The following ARHGEF3 variants were observed in gnomAD, a reference collection of about 807,000 sequenced individuals.
The protein encoded by ARHGEF3 is Rho guanine nucleotide exchange factor 3.
ARHGEF3 carries 28 observed loss-of-function variants against 63.2 expected under a neutral mutation model. The ratio of observed to expected loss-of-function variants is 0.44; its 90% CI spans 0.33 to 0.61. ARHGEF3 has a LOEUF of 0.61. Among genes scored for constraint, ARHGEF3 ranks in the 20% least tolerant of loss-of-function variants. ARHGEF3 has a pLI of 0.03. For synonymous variants in ARHGEF3, 266 were observed against 254.2 expected, an observed-to-expected ratio of 1.05 and a Z score of -0.44; for missense variants, 533 against 659.3, an observed-to-expected ratio of 0.81 and a Z score of 2.10.
At chr3:56,993,836 G>C (rs1370552361) in intron 2 of ARHGEF3, among the ~76,000 whole-genome samples, 2 of 151,132 alleles carry the variant, frequency 1.3e-5, no homozygotes, top group Non-Finnish European at 3.0e-5. Context: ...GGGAGGCCAA[G>C]GTAGGTGGAT....
At chr3:56,936,983 T>G (rs928475062) in intron 3 of ARHGEF3, among the ~76,000 whole-genome samples, 3 of 152,208 alleles carry the variant, frequency 2.0e-5, no homozygotes, top group Non-Finnish European at 2.9e-5. Context: ...CCTCCCAAAG[T>G]GCTGGGATTA....
chr3:56,967,162 C>T (rs1700535890), intron 2 of ARHGEF3, among the ~76,000 whole-genome samples: 1 of 137,490 alleles, frequency 7.3e-6, no homozygotes. Flanking sequence ...CGCGCCCAGC[C>T]TTTTTTTTTT....
chr3:56,778,054 C>A (rs2036367982), intron 1 of ARHGEF3, among the ~76,000 whole-genome samples: 1 of 152,126 alleles, frequency 6.6e-6, no homozygotes, highest in African/African-American at 2.4e-5. Flanking sequence ...ATGTTTAATC[C>A]ACCCAGGAAC....
At chr3:57,008,675 T>C (rs1702565216) in intron 2 of ARHGEF3, among the ~76,000 whole-genome samples, 1 of 152,140 alleles carries the variant, frequency 6.6e-6, no homozygotes. Context: ...TTTCTCCATG[T>C]TGGCCAGGCC....
At chr3:56,948,038 T>C (rs1292175312) in intron 3 of ARHGEF3, among the ~76,000 whole-genome samples, 2 of 152,108 alleles carry the variant, frequency 1.3e-5, no homozygotes, top group African/African-American at 4.8e-5. Context: ...ACTGGGTACA[T>C]AACGAAATGA....
intron 2 of ARHGEF3, among the ~76,000 whole-genome samples, chr3:56,981,351 G>A (rs1038111198): frequency 2.6e-5 from 4 of 152,146 alleles, no homozygotes; most frequent in African/African-American, 7.2e-5. Flanking sequence ...TGACATCCAT[G>A]ACAGTGAAGC....
intron 2 of ARHGEF3, among the ~76,000 whole-genome samples, chr3:57,002,498 T>TTATATATATA (rs1553802543): frequency 7.4e-5 from 1 of 13,484 alleles, no homozygotes; most frequent in Non-Finnish European, 1.5e-4. Context: ...TATATATATG[T>TTATATATATA]TATATATATA....
chr3:56,968,258 T>TA (rs1491487154), intron 2 of ARHGEF3, among the ~76,000 whole-genome samples: 2 of 36,900 alleles, frequency 5.4e-5, no homozygotes, highest in Non-Finnish European at 1.1e-4. Context: ...ATATATAATA[T>TA]TTAAATATAT....
chr3:56,774,883 G>T, intron 1 of ARHGEF3: 1 of 885,886 alleles, frequency 1.1e-6, no homozygotes, highest in Non-Finnish European at 1.6e-6. Flanking sequence ...CAGAGACTCT[G>T]TGTCAAAAAA....
chr3:56,764,601 G>A (rs547502309), intron 2 of ARHGEF3, among the ~76,000 whole-genome samples: 172 of 152,142 alleles, frequency 1.1e-3, no homozygotes, highest in African/African-American at 3.9e-3. Context: ...CCCTATAAGT[G>A]GTGATGAATC....
chr3:56,892,759 G>A (rs913004605), intron 3 of ARHGEF3, among the ~76,000 whole-genome samples: 8 of 152,136 alleles, frequency 5.3e-5, no homozygotes, highest in Non-Finnish European at 1.2e-4. Context: ...TCAGTTTTTC[G>A]TTCACTTGGC....
intron 2 of ARHGEF3, among the ~76,000 whole-genome samples, chr3:56,965,645 CT>C (rs759458048): frequency 0.011 from 1,459 of 133,342 alleles, 11 homozygotes; most frequent in African/African-American, 0.036. Flanking sequence ...AAACTACATT[CT>C]TTTTTTTTTT....
intron 1 of ARHGEF3, among the ~76,000 whole-genome samples, chr3:56,793,742 C>T (rs1399283902): frequency 6.6e-6 from 1 of 152,106 alleles, no homozygotes; most frequent in African/African-American, 2.4e-5. Context: ...GAACTACCTT[C>T]TAGTATCTTT....
chr3:56,775,988 T>C (rs988878496), intron 1 of ARHGEF3, among the ~76,000 whole-genome samples: 3 of 152,114 alleles, frequency 2.0e-5, no homozygotes, highest in Admixed American at 2.0e-4. Flanking sequence ...GTCTTTCTCT[T>C]TCTCTCTCTC....
At chr3:57,068,461 G>A (rs1682883201) in intron 1 of ARHGEF3, among the ~76,000 whole-genome samples, 2 of 152,198 alleles carry the variant, frequency 1.3e-5, no homozygotes, top group East Asian at 1.9e-4. Flanking sequence ...CAATTCTCTC[G>A]CCTCAAAAGG....
chr3:56,751,146 A>G lies in ARHGEF3; in HGVS notation c.536-14T>C. The G allele has an allele frequency of 1.9e-6, 3 of 1,613,522 alleles. No homozygotes were observed. The highest frequency in any genetic ancestry group is 2.5e-6 in the Non-Finnish European group (3 of 1,179,538). On this transcript the variant is annotated splice_polypyrimidine_tract_variant and intron_variant, in intron 5 of 9. Transcript: ENST00000296315. ...GACTAAGGAGCTCTGGCAAAAAACA[A>G]ACAGATGCTTATTTGTTAGGCATTC...
At chr3:56,981,551 T>C (rs62251123) in intron 2 of ARHGEF3, among the ~76,000 whole-genome samples, 1 of 152,178 alleles carries the variant, frequency 6.6e-6, no homozygotes, top group Non-Finnish European at 1.5e-5. Context: ...AAAAAAAACT[T>C]CTACCCAGGA....
chr3:57,055,202 C>T (rs1704867891), intron 1 of ARHGEF3, among the ~76,000 whole-genome samples: 1 of 142,736 alleles, frequency 7.0e-6, no homozygotes, highest in African/African-American at 2.8e-5. Context: ...AACTCTGTTG[C>T]CCAGACTGGA....
At position 56,859,806 on chromosome 3, in the gene ARHGEF3, G is replaced by A. The variant is rs375408953; in HGVS notation, c.192+22486C>T. On this transcript the variant is annotated intron_variant, in intron 4 of 12. Transcript: ENST00000338458. ...GCCCACCTCGGTCTCCCAAAGTGCT[G>A]GGGTTACAGGCATGAGCCACTACAC... Among the ~76,000 whole-genome samples, 740 of 151,906 alleles carry A rather than the reference G, an allele frequency of 4.9e-3. 8 individuals carry two copies. Among genetic ancestry groups the A allele is most frequent in the African/African-American group, 0.016 (662 of 41,412 alleles).
Sources: gnomAD v4.1 joint callset for allele counts (sites outside exome capture counted in the v4.1 genomes callset) on GRCh38, gnomAD v4.1.1 for gene constraint, MANE v1.5 for transcripts, NCBI Gene and HGNC (gene_info 2026-07-23, HGNC 2026-07-21) for gene names.